The following HECW1 variants were observed in gnomAD, a reference collection of about 807,000 sequenced individuals.
The protein encoded by HECW1 is E3 ubiquitin-protein ligase HECW1.
Under a neutral mutation model 182.3 loss-of-function variants are expected in HECW1, and 61 were observed. The ratio of observed to expected loss-of-function variants is 0.33; its 90% confidence interval spans 0.27 to 0.41. The LOEUF (loss-of-function observed/expected upper bound fraction) is 0.41. Ranked by LOEUF, HECW1 falls within the 10% of genes least tolerant of loss-of-function variation. The pLI is 1.00. For missense variants in HECW1, 1,739 were observed against 2,108.9 expected, an observed-to-expected ratio of 0.82 and a Z score of 3.44; for synonymous variants, 859 against 832.6, an observed-to-expected ratio of 1.03 and a Z score of -0.55.
chr7:43,336,427 C>T (rs547430353), intron 5 of HECW1, among the ~76,000 whole-genome samples: 101 of 152,168 alleles, frequency 6.6e-4, no homozygotes, highest in South Asian at 1.9e-3. Flanking sequence ...CTCAGCCTCT[C>T]AAAGTGCTGG....
At chr7:43,113,932 G>A (rs895872971) in intron 1 of HECW1, 1 of 267,478 alleles carries the variant, frequency 3.7e-6, no homozygotes, top group Non-Finnish European at 7.2e-6. Context: ...ATTTCAGCGC[G>A]TAGGGGGAGC....
At chr7:43,440,640 A>G (rs995697996) in intron 9 of HECW1, 6 of 152,218 alleles carry the variant, frequency 3.9e-5, no homozygotes, top group Non-Finnish European at 5.9e-5. Flanking sequence ...AGCATAATAA[A>G]TGTAATTTTT....
intron 3 of HECW1, among the ~76,000 whole-genome samples, chr7:43,253,170 C>T (rs1800215341): frequency 6.6e-6 from 1 of 152,126 alleles, no homozygotes; most frequent in African/African-American, 2.4e-5. Context: ...ATGCACAGCC[C>T]GTTTCGGGAA....
intron 2 of HECW1, among the ~76,000 whole-genome samples, chr7:43,143,408 T>C (rs1788377091): frequency 6.6e-6 from 1 of 152,138 alleles, no homozygotes. Flanking sequence ...CTCAGCCTCC[T>C]GAGTAGCTAG....
At chr7:43,309,685 A>T (rs1044825626) in intron 3 of HECW1, among the ~76,000 whole-genome samples, 4 of 152,238 alleles carry the variant, frequency 2.6e-5, no homozygotes, top group African/African-American at 9.6e-5. Context: ...ACCAGTATAT[A>T]GAGCACCTTT....
intron 24 of HECW1, among the ~76,000 whole-genome samples, chr7:43,533,287 T>C (rs1232399438): frequency 6.6e-6 from 1 of 152,144 alleles, no homozygotes; most frequent in Non-Finnish European, 1.5e-5. Flanking sequence ...CAAGTCCTGG[T>C]CCATTACCAG....
intron 3 of HECW1, among the ~76,000 whole-genome samples, chr7:43,259,779 GA>G (rs561048305): frequency 1.2e-4 from 18 of 151,934 alleles, no homozygotes; most frequent in Admixed American, 3.3e-4. Flanking sequence ...AAAGCACAGG[GA>G]AAAAAAATAT....
intron 3 of HECW1, among the ~76,000 whole-genome samples, chr7:43,259,387 C>A (rs1296446097): frequency 6.2e-4 from 85 of 137,356 alleles, no homozygotes; most frequent in African/African-American, 9.2e-4. Context: ...ACTCCATGTC[C>A]AAAAAAAAAA....
At chr7:43,274,707 G>C in intron 3 of HECW1, 1 of 254,004 alleles carries the variant, frequency 3.9e-6, no homozygotes, top group South Asian at 4.3e-5. Context: ...AAATAGACAC[G>C]AACTATCTCT....
chr7:43,308,818 C>A (rs192235722), intron 3 of HECW1, among the ~76,000 whole-genome samples: 1 of 152,072 alleles, frequency 6.6e-6, no homozygotes, highest in African/African-American at 2.4e-5. Context: ...GACGGGGCTT[C>A]GCCACGTTGG....
At chr7:43,336,415 AC>A (rs1403330547) in intron 5 of HECW1, among the ~76,000 whole-genome samples, 1 of 151,770 alleles carries the variant, frequency 6.6e-6, no homozygotes, top group Non-Finnish European at 1.5e-5. Flanking sequence ...GTGGTCCTTC[AC>A]CTCAGCCTCT....
rs2077536669 is a variant in HECW1 at position 43,460,258 on chromosome 7, C to G, written c.2652-3402C>G. Among the ~76,000 whole-genome samples, 3 of 152,320 alleles carry G rather than the reference C, an allele frequency of 2.0e-5. No homozygotes were observed. In the South Asian group the frequency reaches 6.2e-4, roughly 32 times the overall value. ...ATTGCGGTTCTAGGGGTTTATTCTA[C>G]CAACAGCTACAGCTTCACTTCCATC... On this transcript the variant is annotated intron_variant, in intron 13 of 29. Coordinates refer to ENST00000395891, the MANE Select transcript of HECW1 (RefSeq NM_015052.5).
chr7:43,139,069 T>C (rs1476104230), intron 2 of HECW1, among the ~76,000 whole-genome samples: 1 of 152,198 alleles, frequency 6.6e-6, no homozygotes, highest in Admixed American at 6.5e-5. Context: ...CGTGCCATTT[T>C]AATTGGTGTT....
At chr7:43,477,833 G>T (rs2078275279) in intron 16 of HECW1, among the ~76,000 whole-genome samples, 1 of 152,068 alleles carries the variant, frequency 6.6e-6, no homozygotes, top group African/African-American at 2.4e-5. Flanking sequence ...TACCTTCCAA[G>T]AATAATTTCT....
Position 43,432,181 on chromosome 7 carries a change from C to T in HECW1, c.802-5822C>T, listed in dbSNP as rs913075199. ...TTGAGACGGAGTCTCGCTCTGTCGCCCGGGCTGGAGTGCAGTGGCGGGATC... is the reference window on the plus strand; with the variant it reads ...TTGAGACGGAGTCTCGCTCTGTCGCTCGGGCTGGAGTGCAGTGGCGGGATC... On this transcript the variant is annotated intron_variant, in intron 8 of 29. Transcript: ENST00000395891. The surrounding 1 kb of genome is among the most constrained non-coding windows in gnomAD (Gnocchi z 4.1). Among the ~76,000 whole-genome samples the T allele has an allele frequency of 2.0e-5, 3 of 150,104 alleles. No homozygotes were observed. The highest frequency in any genetic ancestry group is 4.4e-5 in the Non-Finnish European group (3 of 67,666).
intron 16 of HECW1, among the ~76,000 whole-genome samples, chr7:43,478,482 C>T (rs1387047870): frequency 6.6e-6 from 1 of 152,048 alleles, no homozygotes; most frequent in Non-Finnish European, 1.5e-5. Flanking sequence ...AAATGTCTAA[C>T]AATTAAGGGT....
chr7:43,265,153 A>T (rs533208731), intron 3 of HECW1, among the ~76,000 whole-genome samples: 3 of 152,092 alleles, frequency 2.0e-5, no homozygotes, highest in African/African-American at 7.2e-5. Flanking sequence ...GTCCTAGTCT[A>T]TGGGTCGGGA....
intron 29 of HECW1, among the ~76,000 whole-genome samples, chr7:43,559,846 A>G (rs2082152422): frequency 6.6e-6 from 1 of 152,320 alleles, no homozygotes; most frequent in Admixed American, 6.5e-5. Context: ...CTAGATGACA[A>G]ACTAAGGGAG....
At chr7:43,331,309 G>A (rs1333321614) in intron 5 of HECW1, among the ~76,000 whole-genome samples, 1 of 152,036 alleles carries the variant, frequency 6.6e-6, no homozygotes, top group Admixed American at 6.6e-5. Context: ...ATCGGGGTGG[G>A]GCCAGGCACA....
Sources: allele counts gnomAD v4.1 joint callset (sites outside exome capture counted in the v4.1 genomes callset), GRCh38; gene constraint gnomAD v4.1.1; non-coding constraint Gnocchi (gnomAD v3.1); transcripts MANE v1.5; gene names NCBI Gene and HGNC (gene_info 2026-07-23, HGNC 2026-07-21).